TMEM132B: variants seen among roughly 807,000 people sequenced by gnomAD.
TMEM132B encodes transmembrane protein 132B.
Under a neutral mutation model 90.8 loss-of-function variants are expected in TMEM132B, and 18 were observed. The ratio of observed to expected loss-of-function variants is 0.20; its 90% CI spans 0.14 to 0.29. TMEM132B has a LOEUF of 0.29. TMEM132B is among the 10% of genes least tolerant of loss of function. The pLI is 1.00. For synonymous variants in TMEM132B, 504 were observed against 523.3 expected (o/e 0.96, Z 0.50); for missense variants, 1,096 against 1,326.8 (o/e 0.83, Z 2.70).
At chr12:125,307,376 T>A (rs1030419098) in intron 1 of TMEM132B, among the ~76,000 whole-genome samples, 1 of 152,154 alleles carries the variant, frequency 6.6e-6, no homozygotes, top group Non-Finnish European at 1.5e-5. Context: ...TGTGTTTCAG[T>A]CTGTATGGTT....
chr12:125,492,921 A>G lies in TMEM132B; in HGVS notation c.1107-26518A>G, dbSNP rs763857216. Among the ~76,000 whole-genome samples the G allele has an allele frequency of 2.6e-5, 4 of 152,154 alleles. No homozygotes were observed. The stretch of plus-strand genomic sequence containing the variant: ...AATAAACCCGTGAAGATAGATAACT[A>G]TCTAAGGACGAATGGCAAAGAGCCT... On this transcript the variant is annotated intron_variant, in intron 3 of 8. Transcript: ENST00000682704. This position sits in a 1 kb window ranked among gnomAD's most constrained non-coding sequence, Gnocchi z 5.8.
intron 5 of TMEM132B, among the ~76,000 whole-genome samples, chr12:125,604,855 T>C (rs954938941): frequency 6.6e-5 from 10 of 152,230 alleles, no homozygotes; most frequent in African/African-American, 2.4e-4. Flanking sequence ...AAATCATGGC[T>C]GATTAAGTTC....
chr12:125,211,279 T>G (rs1418278014), intron 1 of TMEM132B, among the ~76,000 whole-genome samples: 1 of 152,184 alleles, frequency 6.6e-6, no homozygotes, highest in Non-Finnish European at 1.5e-5. Context: ...CAATTTGAGA[T>G]ATTTGTTTCC....
At chr12:125,500,522 C>A (rs1882669946) in intron 3 of TMEM132B, among the ~76,000 whole-genome samples, 1 of 152,170 alleles carries the variant, frequency 6.6e-6, no homozygotes, top group African/African-American at 2.4e-5. Flanking sequence ...TAGAGGGAGG[C>A]AAGAAACATT....
At chr12:125,479,720 A>ATAACCTTGT (rs1881988997) in intron 3 of TMEM132B, among the ~76,000 whole-genome samples, 1 of 152,234 alleles carries the variant, frequency 6.6e-6, no homozygotes, top group Non-Finnish European at 1.5e-5. Flanking sequence ...GTTAACAAGG[A>ATAACCTTGT]TATCCAGGAC....
At chr12:125,466,649 G>A (rs995717301) in intron 3 of TMEM132B, among the ~76,000 whole-genome samples, 1 of 152,242 alleles carries the variant, frequency 6.6e-6, no homozygotes, top group African/African-American at 2.4e-5. Flanking sequence ...TGTAGTTGAG[G>A]AGAAAGGAAG....
At chr12:125,468,917 C>T (rs1881641767) in intron 3 of TMEM132B, among the ~76,000 whole-genome samples, 1 of 152,124 alleles carries the variant, frequency 6.6e-6, no homozygotes, top group Non-Finnish European at 1.5e-5. Flanking sequence ...TATATAGAAA[C>T]ACAACTGATT....
chr12:125,559,557 C>G (rs1163700995), intron 4 of TMEM132B, among the ~76,000 whole-genome samples: 1 of 152,204 alleles, frequency 6.6e-6, no homozygotes, highest in Admixed American at 6.5e-5. Context: ...GCCAGACGCC[C>G]TCCTGGTCTC....
At chr12:125,210,524 TG>T (rs1327949801) in intron 1 of TMEM132B, among the ~76,000 whole-genome samples, 41 of 151,706 alleles carry the variant, frequency 2.7e-4, no homozygotes, top group African/African-American at 9.7e-4. Context: ...AGGTTCTCCC[TG>T]TTGTGGTACA....
At chr12:125,587,795 C>T (rs1440478373) in intron 5 of TMEM132B, 1 of 152,194 alleles carries the variant, frequency 6.6e-6, no homozygotes, top group Non-Finnish European at 1.5e-5. Context: ...CTCTCTCACT[C>T]TGATGGAGAA....
chr12:125,632,762 A>G (rs981555969), intron 5 of TMEM132B, among the ~76,000 whole-genome samples: 2 of 151,990 alleles, frequency 1.3e-5, no homozygotes, highest in Middle Eastern at 6.3e-3. Flanking sequence ...TTCTGTTGCT[A>G]GATGTATTGA....
At chr12:125,621,365 T>C (rs910148622) in intron 5 of TMEM132B, among the ~76,000 whole-genome samples, 1 of 152,028 alleles carries the variant, frequency 6.6e-6, no homozygotes, top group Non-Finnish European at 1.5e-5. Context: ...GCAAGGTGAA[T>C]GTAAGGAATG....
At chr12:125,375,884 C>T (rs1878464822) in intron 2 of TMEM132B, among the ~76,000 whole-genome samples, 1 of 152,212 alleles carries the variant, frequency 6.6e-6, no homozygotes, top group African/African-American at 2.4e-5. Context: ...TTAGAGGCCA[C>T]CTAAAATCAG....
rs565098863 is a variant in TMEM132B at position 125,312,294 on chromosome 12, C to T, written c.68-37158C>T. ...AATCATCCCATCGTTGCCCAGCAGGCGCTCCTTCCAGCTGCCTCGCATGTC... is the reference window on the plus strand; with the variant it reads ...AATCATCCCATCGTTGCCCAGCAGGTGCTCCTTCCAGCTGCCTCGCATGTC... On this transcript the variant is annotated intron_variant, in intron 1 of 8. Transcript: ENST00000682704. 5.9e-5 allele frequency among the ~76,000 whole-genome samples: 9 copies of T among 152,318 alleles called. No individual in the cohort carries two copies. The South Asian group carries it at 8.3e-4, about 14-fold the overall frequency.
At chr12:125,639,118 A>G (rs568126321) in intron 5 of TMEM132B, among the ~76,000 whole-genome samples, 1 of 152,208 alleles carries the variant, frequency 6.6e-6, no homozygotes, top group African/African-American at 2.4e-5. Flanking sequence ...TCTGGCTCTG[A>G]TCTTTATTTT....
chr12:125,651,260 A>T (rs1456593195), intron 7 of TMEM132B, among the ~76,000 whole-genome samples: 1 of 152,174 alleles, frequency 6.6e-6, no homozygotes, highest in Non-Finnish European at 1.5e-5. Flanking sequence ...CCCCAACATC[A>T]TATTCTCCAT....
Position 125,454,392 on chromosome 12 carries a change from T to TGTGTGTG in TMEM132B, c.1106+38715_1106+38716insGTGTGTG, listed in dbSNP as rs1555250638. Reference sequence around the variant, plus strand: ...CAGCCAGCCGTGTGTGTGTGTGTGTTTGTGTGTGTGTGTGTGTGTGTGTGT... The same window carrying TGTGTGTG: ...CAGCCAGCCGTGTGTGTGTGTGTGTTGTGTGTGTGTGTGTGTGTGTGTGTGTGTGTGT... On this transcript the variant is annotated intron_variant, in intron 3 of 8. Transcript: ENST00000682704. Among the ~76,000 whole-genome samples the TGTGTGTG allele has an allele frequency of 6.4e-3, 714 of 112,076 alleles. 8 individuals are homozygous for TGTGTGTG. The highest frequency in any genetic ancestry group is 0.019 in the African/African-American group (670 of 35,190). The allele number at this position is 112,076 out of a possible 152,430, so 73.5% of individuals were successfully genotyped here.
rs1177269107 is a variant in TMEM132B at position 125,277,594 on chromosome 12, C to G, written c.68-71858C>G. Among the ~76,000 whole-genome samples the G allele has an allele frequency of 6.6e-6, 1 of 151,728 alleles. No individual in the cohort carries two copies. Among genetic ancestry groups the G allele is most frequent in the Non-Finnish European group, 1.5e-5 (1 of 67,996 alleles). Reference sequence around the variant, plus strand: ...AGATTGGAGTGACGTGCCTACATGCCAGGGAACACCAAGGGTTTCCAGCGA... The same window carrying G: ...AGATTGGAGTGACGTGCCTACATGCGAGGGAACACCAAGGGTTTCCAGCGA... On this transcript the variant is annotated intron_variant, in intron 1 of 8. Coordinates refer to ENST00000682704, the MANE Select transcript of TMEM132B (RefSeq NM_001366854.1). The surrounding 1 kb of genome is among the most constrained non-coding windows in gnomAD (Gnocchi z 4.3).
chr12:125,262,520 T>C (rs1422431782), intron 1 of TMEM132B, among the ~76,000 whole-genome samples: 2 of 152,284 alleles, frequency 1.3e-5, no homozygotes, highest in East Asian at 3.9e-4. Context: ...TGCTGATGAG[T>C]GTGTGCCCCC....
Sources: allele counts gnomAD v4.1 joint callset (sites outside exome capture counted in the v4.1 genomes callset), GRCh38; gene constraint gnomAD v4.1.1; non-coding constraint Gnocchi (gnomAD v3.1); transcripts MANE v1.5; gene names NCBI Gene and HGNC (gene_info 2026-07-23, HGNC 2026-07-21).